HEATR5A: variants seen among roughly 807,000 people sequenced by gnomAD.
HEATR5A encodes the protein HEAT repeat-containing protein 5A.
In HEATR5A, 178 loss-of-function variants were observed where a neutral mutation model predicts 218.8. The ratio of observed to expected loss-of-function variants is 0.81; its 90% CI spans 0.72 to 0.92. The LOEUF (loss-of-function observed/expected upper bound fraction) is 0.92, where lower values mean the gene tolerates loss of function less well. Among genes scored for constraint, HEATR5A ranks in the 40% least tolerant of loss-of-function variants. The pLI is 0.00. For missense variants in HEATR5A, 2,420 were observed against 2,418.9 expected, an observed-to-expected ratio of 1.00 and a Z score of -0.01; for synonymous variants, 864 against 871.6, an observed-to-expected ratio of 0.99 and a Z score of 0.15.
At chr14:31,384,199 T>C (rs2030110621) in intron 9 of HEATR5A, among the ~76,000 whole-genome samples, 1 of 152,088 alleles carries the variant, frequency 6.6e-6, no homozygotes, top group African/African-American at 2.4e-5. Flanking sequence ...TCCCAGCACT[T>C]TGGGAGGCCA....
rs570444545 is a variant in HEATR5A at position 31,306,848 on chromosome 14, T to C, written c.4850A>G (p.His1617Arg). ...TGATTCTCTGGTTAAAATTACTCGATGTAGAACATTCAGCAATTCTATACC... is the reference window on the plus strand; with the variant it reads ...TGATTCTCTGGTTAAAATTACTCGACGTAGAACATTCAGCAATTCTATACC... ...DLGIELLNVL[H>R]RVILTRESPS... Residue 1617 changes from histidine to arginine, a missense_variant, in exon 31 of 36, where the codon CAT (histidine) becomes CGT (arginine). Coordinates refer to ENST00000543095, the MANE Select transcript of HEATR5A (RefSeq NM_015473.4). 3.7e-6 allele frequency: 6 copies of C among 1,613,256 alleles called. No individual in the cohort carries two copies. Among genetic ancestry groups the C allele is most frequent in the South Asian group, 2.2e-5 (2 of 90,974 alleles).
chr14:31,402,781 AG>A (rs1355731745), intron 2 of HEATR5A, 68 bp downstream of exon 2: 13 of 1,440,418 alleles, frequency 9.0e-6, no homozygotes, highest in Non-Finnish European at 1.2e-5. Flanking sequence ...GGAAAAAACT[AG>A]AAAAGCAAAC....
Position 31,388,653 on chromosome 14 carries a change from TATAGGTA to T in HEATR5A, c.933+185_933+191del, listed in dbSNP as rs2030327502. ...CCATTATTAGGAACGCAAAACACAT[TATAGGTA>T]ATAAGGTCCTCTTACTTGCAACCTA... is the stretch of plus-strand genomic sequence containing the variant. On this transcript the variant is annotated intron_variant, in intron 7 of 35. Transcript: ENST00000543095. Among the ~76,000 whole-genome samples the T allele has an allele frequency of 2.6e-5, 4 of 152,194 alleles. No homozygotes were observed. In the South Asian group the frequency reaches 8.3e-4, roughly 31 times the overall value.
intron 30 of HEATR5A, among the ~76,000 whole-genome samples, chr14:31,307,497 T>G (rs1595081225): frequency 6.6e-6 from 1 of 152,292 alleles, no homozygotes; most frequent in East Asian, 1.9e-4. Context: ...TACTTTGTAA[T>G]GGACTGTAAC....
chr14:31,399,233 T>C (rs933520140), intron 3 of HEATR5A, among the ~76,000 whole-genome samples: 25 of 152,176 alleles, frequency 1.6e-4, no homozygotes, highest in Admixed American at 5.9e-4. Context: ...AAGAATCTAT[T>C]CTGTGGTTAA....
At chr14:31,370,697 G>C (rs975485994) in intron 13 of HEATR5A, among the ~76,000 whole-genome samples, 2 of 152,122 alleles carry the variant, frequency 1.3e-5, no homozygotes, top group Admixed American at 1.3e-4. Context: ...ATTGACAAGA[G>C]AATCAATATG....
chr14:31,333,677 A>G (rs1212111096), intron 22 of HEATR5A, among the ~76,000 whole-genome samples: 2 of 152,168 alleles, frequency 1.3e-5, no homozygotes, highest in Non-Finnish European at 2.9e-5. Context: ...GGGCTAATGC[A>G]GCTGGTGACT....
chr14:31,405,459 A>AC (rs1841509312), intron 1 of HEATR5A, among the ~76,000 whole-genome samples: 1 of 152,120 alleles, frequency 6.6e-6, no homozygotes, highest in South Asian at 2.1e-4. Context: ...AGGAATATAA[A>AC]CAATGCTGCT....
In HEATR5A at chr14:31,302,477, C is replaced by G. The variant is rs1426207749; in HGVS notation, c.5282G>C (p.Gly1761Ala). The G allele has an allele frequency of 6.3e-7, 1 of 1,590,940 alleles. No individual in the cohort carries two copies. The highest frequency in any genetic ancestry group is 1.3e-5 in the African/African-American group (1 of 74,438). Residue 1761 changes from glycine to alanine, a missense_variant, in exon 33 of 36, where the codon GGG becomes GCG. Gly to Ala is a moderately conservative substitution (Grantham distance 60). Coordinates refer to ENST00000543095, the MANE Select transcript of HEATR5A (RefSeq NM_015473.4). The part of the protein sequence containing the change: ...ILPTILYLTI[G>A]VLRETAVKLP... ...CTTCACAGCAGTCTCTCTGAGGACC[C>G]CGATTGTGAGGTACAATATAGTAGG...
At chr14:31,304,835 C>G in intron 32 of HEATR5A, 70 bp downstream of exon 32, 1 of 1,490,158 alleles carries the variant, frequency 6.7e-7, no homozygotes. Flanking sequence ...AGATTAGCAA[C>G]TAGACTCCAT....
intron 22 of HEATR5A, 60 bp from the exon 23 acceptor site, chr14:31,326,402 G>A (rs1191940201): frequency 8.4e-7 from 1 of 1,186,068 alleles, no homozygotes; most frequent in African/African-American, 1.5e-5. Flanking sequence ...CATATCAGAA[G>A]CTCACACATT....
chr14:31,416,763 G>A (rs2031463925), intron 1 of HEATR5A, among the ~76,000 whole-genome samples: 1 of 152,086 alleles, frequency 6.6e-6, no homozygotes, highest in Non-Finnish European at 1.5e-5. Flanking sequence ...ATAATATTCT[G>A]TCTGACCTTA....
intron 9 of HEATR5A, among the ~76,000 whole-genome samples, chr14:31,384,515 C>T (rs1034065489): frequency 6.7e-6 from 1 of 148,666 alleles, no homozygotes; most frequent in Non-Finnish European, 1.5e-5. Context: ...CATTTATCTA[C>T]ATAATTCATA....
Position 31,293,595 on chromosome 14 carries a change from A to T in HEATR5A, c.5851T>A (p.Cys1951Ser), listed in dbSNP as rs1048038288. The change falls in exon 36 of 36, where the codon TGT becomes AGT. Residue 1951 changes from cysteine to serine, a missense_variant. Physicochemically the swap from Cys to Ser is moderately radical, Grantham distance 112 (BLOSUM62 -1). Transcript: ENST00000543095. Reference sequence around the variant, plus strand: ...AAGGAAATGAGGATGGGCAAAAGACAGGCCACCAGCTGAGCGCCTAGAAAG... The same window carrying T: ...AAGGAAATGAGGATGGGCAAAAGACTGGCCACCAGCTGAGCGCCTAGAAAG... ...EEHHRAQLVA[C>S]LLPILISFLL... 2 of 1,610,102 alleles carry T rather than the reference A, an allele frequency of 1.2e-6. No homozygotes were observed. The highest frequency in any genetic ancestry group is 1.7e-6 in the Non-Finnish European group (2 of 1,178,622).
Position 31,323,558 on chromosome 14 carries a change from CACTT to C in HEATR5A, c.3787+3_3787+6del, listed in dbSNP as rs764881113. ...TCATTTGGTGTTTTCATCACTATGTCACTTACTTCTTGAATCTCTTTTTTTCATT... is the reference window on the plus strand; with the variant it reads ...TCATTTGGTGTTTTCATCACTATGTCACTTCTTGAATCTCTTTTTTTCATT... On this transcript the variant is annotated splice_donor_5th_base_variant and intron_variant, in intron 24 of 35. Coordinates refer to ENST00000543095, the MANE Select transcript of HEATR5A (RefSeq NM_015473.4). 3.4e-5 allele frequency: 54 copies of C among 1,581,422 alleles called. No homozygotes were observed. Among genetic ancestry groups the C allele is most frequent in the Admixed American group, 1.1e-4 (6 of 54,090 alleles).
At chr14:31,359,551 AC>A (rs1043076668) in intron 14 of HEATR5A, among the ~76,000 whole-genome samples, 2 of 151,230 alleles carry the variant, frequency 1.3e-5, no homozygotes, top group African/African-American at 4.9e-5. Context: ...ACATGGTGAA[AC>A]CCCATCTTTA....
At chr14:31,350,439 A>G (rs1324463891) in intron 17 of HEATR5A, among the ~76,000 whole-genome samples, 173 bp downstream of exon 17, 1 of 152,232 alleles carries the variant, frequency 6.6e-6, no homozygotes, top group Non-Finnish European at 1.5e-5. Context: ...AACAAGTTTT[A>G]TGTGGACAAA....
intron 33 of HEATR5A, among the ~76,000 whole-genome samples, chr14:31,301,325 G>A (rs1169985464): frequency 2.0e-5 from 3 of 151,982 alleles, no homozygotes; most frequent in African/African-American, 4.8e-5. Flanking sequence ...GCGCAACCTT[G>A]GCTCACTGCA....
At position 31,318,252 on chromosome 14, in the gene HEATR5A, G is replaced by GGT; in HGVS notation, c.4008_4009dup (p.Pro1337HisfsTer17). 1 of 1,613,786 alleles carries GGT rather than the reference G, an allele frequency of 6.2e-7. No homozygotes were observed. The highest frequency in any genetic ancestry group is 8.5e-7 in the Non-Finnish European group (1 of 1,179,730). ...ACATGCTTTGGCAGTGACATCAGGT[G>GGT]GTGTCTCTGAAGTGAAGGCTGGTCT... On this transcript the variant is annotated frameshift_variant, in exon 26 of 36. Transcript: ENST00000543095. LOFTEE classifies it high-confidence loss of function.
Sources: gnomAD v4.1 joint callset for allele counts (sites outside exome capture counted in the v4.1 genomes callset) on GRCh38, gnomAD v4.1.1 for gene constraint, MANE v1.5 for transcripts, NCBI Gene and HGNC (gene_info 2026-07-23, HGNC 2026-07-21) for gene names.